PSMD11: variants seen among roughly 807,000 people sequenced by gnomAD.
The protein encoded by PSMD11 is 26S proteasome non-ATPase regulatory subunit 11.
A neutral mutation model predicts 62.3 loss-of-function variants in PSMD11; 5 were observed. The ratio of observed to expected loss-of-function variants is 0.08; its 90% CI spans 0.04 to 0.17. The LOEUF is 0.17. Ranked by LOEUF, PSMD11 falls within the 10% of genes least tolerant of loss-of-function variation. PSMD11 has a pLI of 1.00. For missense variants in PSMD11, 310 were observed against 512.9 expected, an observed-to-expected ratio of 0.60 and a Z score of 3.82; for synonymous variants, 191 against 191.8, an observed-to-expected ratio of 1.00 and a Z score of 0.03.
intron 6 of PSMD11, among the ~76,000 whole-genome samples, chr17:32,470,436 C>T (rs1296345041): frequency 1.3e-5 from 2 of 152,152 alleles, no homozygotes; most frequent in Middle Eastern, 6.3e-3. Flanking sequence ...TCTCAGCCTC[C>T]CGAGTAGCTG....
chr17:32,447,135 C>G, intron 2 of PSMD11, 89 bp downstream of exon 2: 1 of 996,222 alleles, frequency 1.0e-6, no homozygotes, highest in Non-Finnish European at 1.4e-6. Context: ...GATCCACAAA[C>G]TGAATTCAGC....
rs558119583 is a variant in PSMD11 at position 32,458,855 on chromosome 17, C to G, written c.318+4236C>G. 4.3e-4 allele frequency among the ~76,000 whole-genome samples: 65 copies of G among 152,130 alleles called. 2 individuals carry two copies. The South Asian group carries it at 0.012, about 29-fold the overall frequency. ...AGGATTTTTTTTCTTTACACTGTTT[C>G]AAGTCTTTGCTCACATCTTACCTCC... On this transcript the variant is annotated intron_variant, in intron 3 of 13. Coordinates refer to ENST00000261712, the MANE Select transcript of PSMD11 (RefSeq NM_002815.4).
At chr17:32,446,592 A>C (rs1234775251) in intron 1 of PSMD11, among the ~76,000 whole-genome samples, 1 of 152,250 alleles carries the variant, frequency 6.6e-6, no homozygotes, top group African/African-American at 2.4e-5. Flanking sequence ...TGACTGGAAC[A>C]GATCTTGGCA....
At chr17:32,456,367 A>T (rs1405255407) in intron 3 of PSMD11, among the ~76,000 whole-genome samples, 1 of 151,924 alleles carries the variant, frequency 6.6e-6, no homozygotes, top group Non-Finnish European at 1.5e-5. Flanking sequence ...AGCGGATAGA[A>T]CAGCATTTAT....
chr17:32,457,279 C>T (rs1478918669), intron 3 of PSMD11, among the ~76,000 whole-genome samples: 5 of 152,106 alleles, frequency 3.3e-5, no homozygotes, highest in Admixed American at 1.3e-4. Context: ...GCTCTGTTGC[C>T]CAGGCTGGAG....
intron 8 of PSMD11, 67 bp from the exon 9 acceptor site, chr17:32,477,454 T>C (rs909558607): frequency 2.7e-5 from 37 of 1,388,630 alleles, no homozygotes; most frequent in Non-Finnish European, 3.7e-5. Flanking sequence ...GCATACTGCT[T>C]ATGAGACTTG....
Position 32,480,166 on chromosome 17 carries a change from A to C in PSMD11, c.1095A>C (p.Leu365Phe). The change falls in exon 12 of 14, where the codon TTA (leucine) becomes TTC (phenylalanine). Residue 365 changes from leucine (L) to phenylalanine (F), a missense_variant. By Grantham distance (22) the Leu-to-Phe change is conservative (BLOSUM62 0). This residue lies in a region of PSMD11 where 135 missense variants were observed against 195.4 expected (regional missense o/e 0.69). Transcript: ENST00000261712. The part of the protein sequence containing the change: ...KLSKADVERK[L>F]SQMILDKKFH... The stretch of plus-strand genomic sequence containing the variant: ...TTTAGGCCGACGTGGAAAGGAAATT[A>C]TCACAGATGATTCTTGACAAGAAAT... 6.2e-7 allele frequency: 1 copy of C among 1,614,022 alleles called. No homozygotes were observed. The highest frequency in any genetic ancestry group is 2.2e-5 in the East Asian group (1 of 44,890).
At chr17:32,476,770 C>T (rs1046027329) in intron 8 of PSMD11, 7 of 152,036 alleles carry the variant, frequency 4.6e-5, no homozygotes, top group African/African-American at 7.3e-5. Context: ...ATGTTAATGC[C>T]GCAACCTTTT....
Position 32,449,722 on chromosome 17 carries a change from A to C in PSMD11, c.193+2676A>C, listed in dbSNP as rs377235091. On this transcript the variant is annotated intron_variant, in intron 2 of 13. Transcript: ENST00000261712. Reference sequence around the variant, plus strand: ...GATGAGTATAGGTATACACAATGGGAACTCTAAGGAAGTGTTGAGGCCTAC... The same window carrying C: ...GATGAGTATAGGTATACACAATGGGCACTCTAAGGAAGTGTTGAGGCCTAC... 1.3e-4 allele frequency among the ~76,000 whole-genome samples: 20 copies of C among 152,350 alleles called. 1 individual carries two copies. The East Asian group carries it at 1.9e-3, about 15-fold the overall frequency.
At chr17:32,477,810 A>G (rs1237825782) in intron 9 of PSMD11, 3 of 329,682 alleles carry the variant, frequency 9.1e-6, no homozygotes, top group African/African-American at 2.1e-5. Context: ...ATACCTTTCT[A>G]TTTCAAAAGT....
rs1396030590 is a variant in PSMD11 at position 32,473,889 on chromosome 17, C to T, written c.732C>T (p.Ser244=). The part of the protein sequence containing the change: ...EAFEGYDSID[S]PKAITSLKYM... ...TTGAGGGTTATGACTCCATCGACAG[C>T]CCCAAGGCCATCACATCTCTGAAGT... Residue 244 remains serine (S), a synonymous_variant, in exon 7 of 14, where the codon AGC becomes AGT. Coordinates refer to ENST00000261712, the MANE Select transcript of PSMD11 (RefSeq NM_002815.4). The T allele has an allele frequency of 6.2e-7, 1 of 1,614,166 alleles. No homozygotes were observed.
chr17:32,478,627 A>G (rs1383244763), intron 9 of PSMD11, among the ~76,000 whole-genome samples: 2 of 152,244 alleles, frequency 1.3e-5, no homozygotes, highest in Non-Finnish European at 2.9e-5. Flanking sequence ...TTGCTTAATC[A>G]TTGCAGAGCC....
At chr17:32,477,316 T>G (rs758160831) in intron 8 of PSMD11, 14 of 416,676 alleles carry the variant, frequency 3.4e-5, no homozygotes, top group Non-Finnish European at 5.9e-5. Context: ...ATTAAGTCAT[T>G]TCAGGTTTCA....
chr17:32,469,697 T>A lies in PSMD11; in HGVS notation c.643+504T>A, dbSNP rs534670365. Among the ~76,000 whole-genome samples the A allele has an allele frequency of 2.9e-5, 4 of 136,646 alleles. No homozygotes were observed. In the South Asian group the frequency reaches 9.0e-4, roughly 31 times the overall value. 89.6% of individuals were successfully genotyped at this position (136,646 alleles called of 152,430 possible). ...GCAGGTGGAATACTTTCTTTTGTATTCAGCAGTTTTTTTTTTTACTGGAGG... is the reference window on the plus strand; with the variant it reads ...GCAGGTGGAATACTTTCTTTTGTATACAGCAGTTTTTTTTTTTACTGGAGG... On this transcript the variant is annotated intron_variant, in intron 6 of 13. Transcript: ENST00000261712.
chr17:32,455,757 A>G (rs1187197640), intron 3 of PSMD11, among the ~76,000 whole-genome samples: 1 of 152,214 alleles, frequency 6.6e-6, no homozygotes, highest in Non-Finnish European at 1.5e-5. Flanking sequence ...TTAGATGGCT[A>G]TTTTGAATTA....
chr17:32,462,767 A>C (rs901253788), intron 3 of PSMD11, among the ~76,000 whole-genome samples: 1 of 151,746 alleles, frequency 6.6e-6, no homozygotes, highest in African/African-American at 2.4e-5. Context: ...GCTCACCGCA[A>C]CCTCCACCTC....
chr17:32,449,367 C>T lies in PSMD11; in HGVS notation c.193+2321C>T, dbSNP rs886661905. Among the ~76,000 whole-genome samples, 25 of 152,016 alleles carry T rather than the reference C, an allele frequency of 1.6e-4. 1 individual carries two copies. Among genetic ancestry groups the T allele is most frequent in the African/African-American group, 5.1e-4 (21 of 41,366 alleles). ...CTGTAGTGAGCTATGGTCACACTGC[C>T]GTGCTCTAGCCTGGGTGACAGAGCA... is the stretch of plus-strand genomic sequence containing the variant. On this transcript the variant is annotated intron_variant, in intron 2 of 13. Coordinates refer to ENST00000261712, the MANE Select transcript of PSMD11 (RefSeq NM_002815.4).
intron 1 of PSMD11, among the ~76,000 whole-genome samples, chr17:32,446,366 A>G (rs1907332700): frequency 1.3e-5 from 2 of 152,220 alleles, no homozygotes. Flanking sequence ...AGTCTCCCCT[A>G]AGTGTAGCTG....
At chr17:32,473,085 G>A (rs62065472) in intron 6 of PSMD11, among the ~76,000 whole-genome samples, 55,787 of 149,174 alleles carry the variant, frequency 0.37, 11,466 homozygotes, top group Non-Finnish European at 0.45. Context: ...TTGAACCCAC[G>A]AGGCGGAGGT....
Sources: gnomAD v4.1 joint callset for allele counts (sites outside exome capture counted in the v4.1 genomes callset) on GRCh38, gnomAD v4.1.1 for gene constraint, gnomAD v4.1.1 regional missense constraint, MANE v1.5 for transcripts, NCBI Gene and HGNC (gene_info 2026-07-23, HGNC 2026-07-21) for gene names.